The following ADAM12 variants were observed in gnomAD, a reference collection of about 807,000 sequenced individuals.
The protein encoded by ADAM12 is disintegrin and metalloproteinase domain-containing protein 12.
In ADAM12, 70 loss-of-function variants were observed where a neutral mutation model predicts 106.4. The observed-to-expected ratio is 0.66, with a 90% CI of 0.54 to 0.80. The LOEUF (loss-of-function observed/expected upper bound fraction) is 0.80. Among genes scored for constraint, ADAM12 ranks in the 30% least tolerant of loss-of-function variants. The pLI, the probability that ADAM12 is intolerant of heterozygous loss-of-function variation, is 0.00. For synonymous variants in ADAM12, 420 were observed against 433.5 expected (o/e 0.97, Z 0.39); for missense variants, 1,010 against 1,171.9 (o/e 0.86, Z 2.02).
chr10:126,136,146 A>T (rs1956402288), intron 4 of ADAM12, among the ~76,000 whole-genome samples: 2 of 152,234 alleles, frequency 1.3e-5, no homozygotes, highest in South Asian at 2.1e-4. Flanking sequence ...GACCTCACTG[A>T]ATTACCCAAT....
chr10:126,159,288 C>A (rs1305455096), intron 3 of ADAM12, among the ~76,000 whole-genome samples: 3 of 106,056 alleles, frequency 2.8e-5, no homozygotes, highest in East Asian at 5.5e-4. Flanking sequence ...CCAGCCTGGG[C>A]AACAGAGCGA....
At chr10:126,150,762 T>C (rs191540916) in intron 4 of ADAM12, among the ~76,000 whole-genome samples, 178 of 152,314 alleles carry the variant, frequency 1.2e-3, no homozygotes, top group African/African-American at 4.1e-3. Flanking sequence ...TCAGAGACCC[T>C]TTCTAAATCA....
At chr10:126,128,431 C>A (rs1047742223) in intron 5 of ADAM12, among the ~76,000 whole-genome samples, 1 of 152,210 alleles carries the variant, frequency 6.6e-6, no homozygotes, top group African/African-American at 2.4e-5. Flanking sequence ...ATAACATCTG[C>A]CCCATTCTCA....
rs1954176664 is a variant in ADAM12, at chr10:126,041,775, T to C, written c.2104+1265A>G. On this transcript the variant is annotated intron_variant, in intron 18 of 22. Transcript: ENST00000448723. ...GGACACTGGGCCCAACCCTTGCTTCTCCCCCACTGCTGTGGAGGCTCAGTG... is the reference window on the plus strand; with the variant it reads ...GGACACTGGGCCCAACCCTTGCTTCCCCCCCACTGCTGTGGAGGCTCAGTG... The C allele has an allele frequency of 1.7e-5, 18 of 1,081,554 alleles. 1 individual carries two copies. In the South Asian group the frequency reaches 4.6e-4, roughly 28 times the overall value. The allele number at this position is 1,081,554 out of a possible 1,614,324, so 67.0% of individuals were successfully genotyped here.
chr10:126,388,093 AGGGCGAGCAGGAGGGCGCGGGCG>A lies in ADAM12; in HGVS notation c.30_52del (p.Ala11GlyfsTer22). On this transcript the variant is annotated frameshift_variant, in exon 1 of 23. Transcript: ENST00000448723. LOFTEE classifies it high-confidence loss of function. This position sits in a 1 kb window ranked among gnomAD's most constrained non-coding sequence, Gnocchi z 4.4. ...GCAGGGCGCGAGCAGAGCACCGGCC[AGGGCGAGCAGGAGGGCGCGGGCG>A]GGGGACACGGGCAGCGGGCGCGCTG... is the stretch of plus-strand genomic sequence containing the variant. The A allele has an allele frequency of 8.1e-7, 1 of 1,233,716 alleles. No individual in the cohort carries two copies. Among genetic ancestry groups the A allele is most frequent in the Non-Finnish European group, 1.0e-6 (1 of 987,808 alleles). 76.4% of individuals were successfully genotyped at this position (1,233,716 alleles called of 1,614,324 possible).
At chr10:126,178,344 G>T (rs1957255334) in intron 3 of ADAM12, among the ~76,000 whole-genome samples, 1 of 151,006 alleles carries the variant, frequency 6.6e-6, no homozygotes, top group South Asian at 2.1e-4. Flanking sequence ...AATAAAACAG[G>T]TAGGAAAATC....
intron 1 of ADAM12, among the ~76,000 whole-genome samples, chr10:126,372,399 T>C (rs1170127254): frequency 2.6e-5 from 4 of 152,224 alleles, no homozygotes; most frequent in African/African-American, 7.2e-5. Context: ...TCCTTGCTCA[T>C]TGTTGACAAA....
intron 4 of ADAM12, chr10:126,145,482 G>GA (rs1472162426): frequency 6.6e-6 from 1 of 152,172 alleles, no homozygotes; most frequent in Non-Finnish European, 1.5e-5. Context: ...ACAGCATATA[G>GA]GAGCTGAGAC....
At chr10:126,143,092 CGT>C (rs1266922356) in intron 4 of ADAM12, among the ~76,000 whole-genome samples, 2 of 144,162 alleles carry the variant, frequency 1.4e-5, no homozygotes, top group Non-Finnish European at 3.0e-5. Flanking sequence ...TGTATATGTA[CGT>C]GTGTATATGG....
chr10:126,258,953 CCT>C (rs1181728864), intron 3 of ADAM12, among the ~76,000 whole-genome samples: 2 of 152,228 alleles, frequency 1.3e-5, no homozygotes, highest in Admixed American at 1.3e-4. Flanking sequence ...CTGTTTCCCC[CCT>C]GTTCCCTACC....
intron 2 of ADAM12, among the ~76,000 whole-genome samples, chr10:126,303,697 C>T (rs1212298863): frequency 6.6e-6 from 1 of 152,186 alleles, no homozygotes. Flanking sequence ...AGCCACAGAG[C>T]AGCTTTGAGA....
intron 3 of ADAM12, among the ~76,000 whole-genome samples, chr10:126,160,339 A>C (rs1339059470): frequency 6.6e-6 from 1 of 152,216 alleles, no homozygotes; most frequent in African/African-American, 2.4e-5. Flanking sequence ...TGATATGTCC[A>C]TTTAAATAGC....
chr10:126,140,737 G>A (rs1431962891), intron 4 of ADAM12, among the ~76,000 whole-genome samples: 2 of 152,204 alleles, frequency 1.3e-5, no homozygotes, highest in East Asian at 3.8e-4. Context: ...CTCATTAAGT[G>A]TTTAAACAAA....
At chr10:126,371,355 T>C (rs1378555054) in intron 1 of ADAM12, among the ~76,000 whole-genome samples, 2 of 152,254 alleles carry the variant, frequency 1.3e-5, no homozygotes, top group African/African-American at 2.4e-5. Context: ...CCTTGGGTGT[T>C]GTCTGATCAT....
intron 21 of ADAM12, among the ~76,000 whole-genome samples, chr10:126,022,323 A>C (rs919191310): frequency 1.1e-4 from 16 of 152,120 alleles, no homozygotes; most frequent in Non-Finnish European, 2.4e-4. Context: ...GAAGGGTCTG[A>C]CCTCCAACCT....
At chr10:126,051,846 C>T (rs1317805774) in intron 14 of ADAM12, among the ~76,000 whole-genome samples, 1 of 152,180 alleles carries the variant, frequency 6.6e-6, no homozygotes, top group Non-Finnish European at 1.5e-5. Context: ...TTATGTTCCT[C>T]TAAAGCCCAG....
rs184094106 is a variant in ADAM12, at chr10:126,053,755, G to A, written c.1610-4086C>T. On this transcript the variant is annotated intron_variant, in intron 14 of 22. Coordinates refer to ENST00000448723, the MANE Select transcript of ADAM12 (RefSeq NM_001288973.2). This position sits in a 1 kb window ranked among gnomAD's most constrained non-coding sequence, Gnocchi z 4.6. ...AGTTTCGCTCTTGTTGCCCAGGCTCGAGTGCAATGGTGTGATCTCGGCTCA... is the reference window on the plus strand; with the variant it reads ...AGTTTCGCTCTTGTTGCCCAGGCTCAAGTGCAATGGTGTGATCTCGGCTCA... 3.7e-3 allele frequency among the ~76,000 whole-genome samples: 558 copies of A among 151,994 alleles called. 2 individuals carry two copies. Among genetic ancestry groups the A allele is most frequent in the African/African-American group, 0.012 (499 of 41,444 alleles).
intron 21 of ADAM12, among the ~76,000 whole-genome samples, chr10:126,035,740 T>C (rs922489422): frequency 1.3e-5 from 2 of 152,204 alleles, no homozygotes; most frequent in African/African-American, 2.4e-5. Context: ...GTATAGTTCT[T>C]GTAAATAATT....
chr10:126,109,096 A>T (rs983054959), intron 7 of ADAM12, among the ~76,000 whole-genome samples: 1 of 152,246 alleles, frequency 6.6e-6, no homozygotes, highest in African/African-American at 2.4e-5. Context: ...ACAGAGGAGA[A>T]TAGACAAAAA....
Sources: allele counts gnomAD v4.1 joint callset (sites outside exome capture counted in the v4.1 genomes callset), GRCh38; gene constraint gnomAD v4.1.1; non-coding constraint Gnocchi (gnomAD v3.1); transcripts MANE v1.5; gene names NCBI Gene and HGNC (gene_info 2026-07-23, HGNC 2026-07-21).